The following ILRUN variants were observed in gnomAD, a reference collection of about 807,000 sequenced individuals.
ILRUN encodes the protein protein ILRUN.
In ILRUN, 3 loss-of-function variants were observed where a neutral mutation model predicts 33.8. That is an observed-to-expected ratio of 0.09 (90% CI 0.04 to 0.23). ILRUN has a LOEUF of 0.23. ILRUN is among the 10% of genes least tolerant of loss of function. ILRUN has a pLI of 1.00. For synonymous variants in ILRUN, 124 were observed against 138.9 expected (o/e 0.89, Z 0.75); for missense variants, 210 against 375.1 (o/e 0.56, Z 3.64).
At chr6:34,671,819 A>G (rs1763122653) in intron 1 of ILRUN, 1 of 152,252 alleles carries the variant, frequency 6.6e-6, no homozygotes, top group Non-Finnish European at 1.5e-5. Context: ...AGACAAGTGG[A>G]AAATGTCTTA....
At chr6:34,696,309 C>A (rs1303055737) in intron 1 of ILRUN, 137 bp downstream of exon 1, 2 of 923,608 alleles carry the variant, frequency 2.2e-6, no homozygotes, top group Non-Finnish European at 3.2e-6. Context: ...GGCTCCCCGA[C>A]TCGTCCTCCC....
intron 1 of ILRUN, among the ~76,000 whole-genome samples, chr6:34,693,029 A>C (rs886317853): frequency 6.6e-6 from 1 of 152,136 alleles, no homozygotes; most frequent in African/African-American, 2.4e-5. Flanking sequence ...AGTGAGCCAC[A>C]GCTGTGCCAC....
At chr6:34,674,902 A>G (rs928160118) in intron 1 of ILRUN, among the ~76,000 whole-genome samples, 10 of 152,088 alleles carry the variant, frequency 6.6e-5, no homozygotes, top group Non-Finnish European at 1.3e-4. Context: ...ATCTCCACAC[A>G]CATACACACA....
At chr6:34,692,505 C>T (rs575785321) in intron 1 of ILRUN, among the ~76,000 whole-genome samples, 1 of 152,036 alleles carries the variant, frequency 6.6e-6, no homozygotes, top group Non-Finnish European at 1.5e-5. Context: ...TTAAATGATG[C>T]GTAGAACAAC....
At position 34,628,744 on chromosome 6, in the gene ILRUN, G is replaced by C. The variant is rs190508146; in HGVS notation, c.511+17857C>G. ...TTTCCTGTAATCTTTGTCTGGTTTG[G>C]GTATTAGGGTAACGTTGGCCTCACA... On this transcript the variant is annotated intron_variant, in intron 3 of 4. Coordinates refer to ENST00000374023, the MANE Select transcript of ILRUN (RefSeq NM_024294.4). Among the ~76,000 whole-genome samples the C allele has an allele frequency of 1.3e-4, 20 of 152,096 alleles. 1 individual carries two copies. Among genetic ancestry groups the C allele is most frequent in the African/African-American group, 4.6e-4 (19 of 41,480 alleles).
At chr6:34,670,289 T>C (rs1280456243) in intron 1 of ILRUN, among the ~76,000 whole-genome samples, 1 of 152,044 alleles carries the variant, frequency 6.6e-6, no homozygotes, top group Non-Finnish European at 1.5e-5. Flanking sequence ...TAACTGTAAA[T>C]AGGCAGAAAA....
At chr6:34,676,434 CTAGCTAGCTAGATAGATAGATA>C in intron 1 of ILRUN, among the ~76,000 whole-genome samples, 2 of 151,112 alleles carry the variant, frequency 1.3e-5, no homozygotes, top group African/African-American at 4.9e-5. Flanking sequence ...ATATAGCTAG[CTAGCTAGCTAGATAGATAGATA>C]TAGCTAGCTA....
intron 2 of ILRUN, among the ~76,000 whole-genome samples, chr6:34,650,589 C>T (rs1385429319): frequency 6.6e-6 from 1 of 151,992 alleles, no homozygotes; most frequent in Non-Finnish European, 1.5e-5. Flanking sequence ...TGCCACCATG[C>T]CTGGCTAATT....
chr6:34,604,103 G>C (rs1761575522), intron 4 of ILRUN, among the ~76,000 whole-genome samples: 1 of 152,210 alleles, frequency 6.6e-6, no homozygotes, highest in African/African-American at 2.4e-5. Flanking sequence ...CTAATGGGAA[G>C]CTTTTCTCTA....
intron 1 of ILRUN, among the ~76,000 whole-genome samples, chr6:34,670,487 G>C (rs961046672): frequency 6.6e-6 from 1 of 152,118 alleles, no homozygotes; most frequent in African/African-American, 2.4e-5. Flanking sequence ...GTGAATCTAT[G>C]GGAAGAGTAT....
chr6:34,626,993 A>C (rs1762149648), intron 3 of ILRUN, among the ~76,000 whole-genome samples: 1 of 151,690 alleles, frequency 6.6e-6, no homozygotes, highest in Non-Finnish European at 1.5e-5. Context: ...CAACAGAGCG[A>C]AACTCCATCT....
At chr6:34,680,005 A>G (rs1430864215) in intron 1 of ILRUN, among the ~76,000 whole-genome samples, 1 of 152,268 alleles carries the variant, frequency 6.6e-6, no homozygotes, top group Non-Finnish European at 1.5e-5. Context: ...TTCTCAAACT[A>G]TAAGGAAGTT....
intron 3 of ILRUN, among the ~76,000 whole-genome samples, chr6:34,612,654 G>A (rs1462226635): frequency 6.6e-6 from 1 of 152,076 alleles, no homozygotes; most frequent in Non-Finnish European, 1.5e-5. Flanking sequence ...TGCCTGTAAT[G>A]CCAGCACTTT....
At chr6:34,610,168 A>C (rs935800161) in intron 3 of ILRUN, among the ~76,000 whole-genome samples, 1 of 151,950 alleles carries the variant, frequency 6.6e-6, no homozygotes, top group South Asian at 2.1e-4. Context: ...CTCAAAAAAA[A>C]AAAGAAAAAG....
At chr6:34,632,454 AT>A (rs1762267743) in intron 3 of ILRUN, among the ~76,000 whole-genome samples, 1 of 152,126 alleles carries the variant, frequency 6.6e-6, no homozygotes, top group South Asian at 2.1e-4. Flanking sequence ...ATAAAAAAAA[AT>A]AAGTGTTTAT....
At chr6:34,603,001 T>A (rs373729230) in intron 4 of ILRUN, among the ~76,000 whole-genome samples, 2 of 152,196 alleles carry the variant, frequency 1.3e-5, no homozygotes, top group Non-Finnish European at 2.9e-5. Context: ...AAGCAATCTA[T>A]TACCTTCATC....
chr6:34,684,944 A>G (rs565335077), intron 1 of ILRUN, among the ~76,000 whole-genome samples: 21 of 152,322 alleles, frequency 1.4e-4, no homozygotes, highest in Middle Eastern at 3.4e-3. Flanking sequence ...GGGAAGCAAC[A>G]AGGCCCTGTT....
chr6:34,591,368 G>A (rs960902912), intron 4 of ILRUN, among the ~76,000 whole-genome samples: 4 of 152,122 alleles, frequency 2.6e-5, no homozygotes, highest in Non-Finnish European at 5.9e-5. Flanking sequence ...GGTGGCACAC[G>A]TCTATGATCC....
intron 1 of ILRUN, among the ~76,000 whole-genome samples, chr6:34,670,203 C>T (rs1763087433): frequency 6.6e-6 from 1 of 152,002 alleles, no homozygotes; most frequent in African/African-American, 2.4e-5. Flanking sequence ...ATAAGCAACC[C>T]CGCCTGGCCA....
Sources: gnomAD v4.1 joint callset for allele counts (sites outside exome capture counted in the v4.1 genomes callset) on GRCh38, gnomAD v4.1.1 for gene constraint, MANE v1.5 for transcripts, NCBI Gene and HGNC (gene_info 2026-07-23, HGNC 2026-07-21) for gene names.